SLC2A13: variants seen among roughly 807,000 people sequenced by gnomAD.
The protein encoded by SLC2A13 is solute carrier family 2 member 13.
SLC2A13 carries 32 observed loss-of-function variants against 64.4 expected under a neutral mutation model. The ratio of observed to expected loss-of-function variants is 0.50; its 90% CI spans 0.37 to 0.67. The LOEUF is 0.67. Ranked by LOEUF, SLC2A13 falls within the 30% of genes least tolerant of loss-of-function variation. SLC2A13 has a pLI of 0.00. For synonymous variants in SLC2A13, 338 were observed against 327.1 expected (o/e 1.03, Z -0.36); for missense variants, 743 against 829.2 (o/e 0.90, Z 1.28).
At chr12:40,015,637 C>T (rs1947608913) in intron 3 of SLC2A13, among the ~76,000 whole-genome samples, 1 of 152,198 alleles carries the variant, frequency 6.6e-6, no homozygotes, top group Non-Finnish European at 1.5e-5. Flanking sequence ...CTCCACTGCA[C>T]TTGATCTTTC....
At chr12:39,864,653 C>G in intron 6 of SLC2A13, 109 bp downstream of exon 6, 1 of 1,427,778 alleles carries the variant, frequency 7.0e-7, no homozygotes, top group African/African-American at 1.4e-5. Flanking sequence ...TTACATAAGC[C>G]TGGATGCCCA....
chr12:39,760,127 A>T lies in SLC2A13; in HGVS notation c.1846T>A (p.Cys616Ser). The T allele has an allele frequency of 6.2e-7, 1 of 1,613,062 alleles. No individual in the cohort carries two copies. The highest frequency in any genetic ancestry group is 8.5e-7 in the Non-Finnish European group (1 of 1,179,382). The change falls in exon 10 of 10, where the codon TGT (cysteine) becomes AGT (serine). Residue 616 changes from cysteine (C) to serine (S), a missense_variant. Physicochemically the swap from Cys to Ser is moderately radical, Grantham distance 112. Transcript: ENST00000280871. ...ESLFDNRLCT[C>S]GTSDSDEGRY... ...CCTTCATCAGAATCTGAAGTGCCACATGTACATAGCCTGTTGTCAAAGAGT... is the reference window on the plus strand; with the variant it reads ...CCTTCATCAGAATCTGAAGTGCCACTTGTACATAGCCTGTTGTCAAAGAGT...
intron 4 of SLC2A13, among the ~76,000 whole-genome samples, chr12:39,910,632 G>A (rs915186892): frequency 6.6e-6 from 1 of 151,976 alleles, no homozygotes; most frequent in Non-Finnish European, 1.5e-5. Context: ...GACAGCTGCA[G>A]GACTCAGGTT....
In SLC2A13 at chr12:39,888,220, A is replaced by ATATT. The variant is rs1374821215; in HGVS notation, c.1035-16263_1035-16260dup. ...ATATAACCATTCTAAGTTTTTATTTATATTTATTTATTTATTTATTTTGAG... is the reference window on the plus strand; with the variant it reads ...ATATAACCATTCTAAGTTTTTATTTATATTTATTTATTTATTTATTTATTTTGAG... On this transcript the variant is annotated intron_variant, in intron 4 of 9. Coordinates refer to ENST00000280871, the MANE Select transcript of SLC2A13 (RefSeq NM_052885.4). Among the ~76,000 whole-genome samples, 57 of 152,066 alleles carry ATATT rather than the reference A, an allele frequency of 3.7e-4. 1 individual carries two copies. The highest frequency in any genetic ancestry group is 1.7e-3 in the East Asian group (9 of 5,166).
At chr12:40,091,253 C>CT (rs1345183908) in intron 1 of SLC2A13, among the ~76,000 whole-genome samples, 5 of 152,162 alleles carry the variant, frequency 3.3e-5, no homozygotes, top group Admixed American at 3.3e-4. Flanking sequence ...CATGGCTGAA[C>CT]TTTATGTTGT....
intron 4 of SLC2A13, among the ~76,000 whole-genome samples, chr12:39,935,005 T>G (rs1945894376): frequency 6.6e-6 from 1 of 152,198 alleles, no homozygotes; most frequent in Non-Finnish European, 1.5e-5. Flanking sequence ...CTGACTAACT[T>G]AGATTTTCAC....
chr12:39,771,076 C>T (rs1940550527), intron 7 of SLC2A13, among the ~76,000 whole-genome samples: 1 of 152,112 alleles, frequency 6.6e-6, no homozygotes, highest in Non-Finnish European at 1.5e-5. Flanking sequence ...AACCATATTT[C>T]CTAGACATAA....
intron 6 of SLC2A13, among the ~76,000 whole-genome samples, chr12:39,833,842 G>A (rs1942930293): frequency 6.7e-6 from 1 of 150,188 alleles, no homozygotes; most frequent in African/African-American, 2.5e-5. Flanking sequence ...ATGGCACCTT[G>A]GAGCTCACAC....
intron 7 of SLC2A13, among the ~76,000 whole-genome samples, chr12:39,804,817 G>A (rs1329897446): frequency 1.4e-4 from 21 of 152,126 alleles, no homozygotes; most frequent in Admixed American, 1.4e-3. Context: ...AAATATAGAT[G>A]GAGAATTATA....
At chr12:39,794,565 T>TGTTCAAAGAAGGCAAAGGCAG (rs1231657156) in intron 7 of SLC2A13, among the ~76,000 whole-genome samples, 11 of 152,286 alleles carry the variant, frequency 7.2e-5, no homozygotes, top group Non-Finnish European at 1.5e-4. Flanking sequence ...CACAGACAAC[T>TGTTCAAAGAAGGCAAAGGCAG]GTTCAAAGAA....
Position 39,890,331 on chromosome 12 carries a change from T to C in SLC2A13, c.1035-18370A>G, listed in dbSNP as rs1944572807. On this transcript the variant is annotated intron_variant, in intron 4 of 9. Transcript: ENST00000280871. ...TATTATTTATAAAACTGAAAAAAAA[T>C]ACATTGTGGCAGCAGAATATCTATC... Among the ~76,000 whole-genome samples, 3 of 152,264 alleles carry C rather than the reference T, an allele frequency of 2.0e-5. 1 individual carries two copies. The South Asian group carries it at 6.2e-4, about 32-fold the overall frequency.
chr12:40,006,687 T>C (rs1319888790), intron 3 of SLC2A13, among the ~76,000 whole-genome samples: 1 of 152,180 alleles, frequency 6.6e-6, no homozygotes, highest in Non-Finnish European at 1.5e-5. Flanking sequence ...AGGAAGCAAG[T>C]ACAGTTAGAT....
At chr12:39,874,615 C>CAAAAA (rs11287868) in intron 4 of SLC2A13, among the ~76,000 whole-genome samples, 2 of 101,118 alleles carry the variant, frequency 2.0e-5, no homozygotes, top group Non-Finnish European at 2.0e-5. Flanking sequence ...AACTCCATCT[C>CAAAAA]AAAAAAAAAA....
chr12:39,818,229 T>C (rs1942393553), intron 7 of SLC2A13, among the ~76,000 whole-genome samples: 1 of 151,754 alleles, frequency 6.6e-6, no homozygotes, highest in Admixed American at 6.6e-5. Context: ...GTCATGTACA[T>C]CTAAAACTGA....
chr12:39,832,789 C>T (rs1431430181), intron 6 of SLC2A13, among the ~76,000 whole-genome samples: 1 of 152,082 alleles, frequency 6.6e-6, no homozygotes, highest in Non-Finnish European at 1.5e-5. Flanking sequence ...TTTCCCTTCT[C>T]CTCTATCATT....
rs949653648 is a variant in SLC2A13 at position 39,864,854 on chromosome 12, G to A, written c.1227C>T (p.Ala409=). Residue 409 remains alanine, a synonymous_variant, in exon 6 of 10, where the codon GCC becomes GCT. Coordinates refer to ENST00000280871, the MANE Select transcript of SLC2A13 (RefSeq NM_052885.4). ...CTTGGGCTGATAGCACAAATCCCAA[G>A]GCAAGAATAATGAGTGCTACGGTGG... ...AGTTVALIIL[A]LGFVLSAQVS... is the part of the protein sequence containing the mutation. The A allele has an allele frequency of 1.2e-6, 2 of 1,613,538 alleles. No homozygotes were observed. The highest frequency in any genetic ancestry group is 1.7e-6 in the Non-Finnish European group (2 of 1,179,836).
chr12:39,845,796 A>G (rs1449486939), intron 6 of SLC2A13, among the ~76,000 whole-genome samples: 1 of 152,156 alleles, frequency 6.6e-6, no homozygotes, highest in Non-Finnish European at 1.5e-5. Flanking sequence ...AATGAAACCA[A>G]TAGGAATTAG....
chr12:39,907,565 T>C (rs1945320695), intron 4 of SLC2A13: 1 of 152,120 alleles, frequency 6.6e-6, no homozygotes, highest in Admixed American at 6.6e-5. Flanking sequence ...AGAGTGATGT[T>C]TTAATGGAAA....
At chr12:39,768,678 A>T (rs1332781365) in intron 7 of SLC2A13, among the ~76,000 whole-genome samples, 1 of 152,042 alleles carries the variant, frequency 6.6e-6, no homozygotes, top group Non-Finnish European at 1.5e-5. Context: ...GACGTCTTAT[A>T]CGGGTGCAGT....
Sources: gnomAD v4.1 joint callset for allele counts (sites outside exome capture counted in the v4.1 genomes callset) on GRCh38, gnomAD v4.1.1 for gene constraint, MANE v1.5 for transcripts, NCBI Gene and HGNC (gene_info 2026-07-23, HGNC 2026-07-21) for gene names.